PKD1: variants seen among roughly 807,000 people sequenced by gnomAD.
PKD1 encodes polycystin 1, transient receptor potential channel interacting, also known as polycystin-1.
PKD1 carries 81 observed loss-of-function variants against 361.7 expected under a neutral mutation model. That is an observed-to-expected ratio of 0.22 (90% CI 0.19 to 0.27). PKD1 has a LOEUF of 0.27. PKD1 is among the 10% of genes least tolerant of loss of function. The pLI is 1.00. For synonymous variants in PKD1, 3,615 were observed against 2,818.3 expected (o/e 1.28, Z -8.95); for missense variants, 6,399 against 6,118.3 (o/e 1.05, Z -1.53).
rs756217138 is a variant in PKD1 at position 2,114,521 on chromosome 16, G to T, written c.2502C>A (p.Gly834=). ...LRVIYPAPRD[G]RLYVPTNGSA... is the part of the protein sequence containing the mutation. ...AGCCGTTGGTGGGCACGTAGAGGCG[G>T]CCGTCGCGGGGGGCAGGGTAGATGA... Residue 834 remains glycine, a synonymous_variant, in exon 11 of 46, where the codon GGC becomes GGA. Transcript: ENST00000262304. The T allele has an allele frequency of 6.3e-7, 1 of 1,594,342 alleles. No homozygotes were observed. The highest frequency in any genetic ancestry group is 8.5e-7 in the Non-Finnish European group (1 of 1,178,876).
In PKD1 at chr16:2,090,170, C is replaced by T. The variant is rs1316180027; in HGVS notation, c.12469G>A (p.Gly4157Arg). 1.2e-6 allele frequency: 2 copies of T among 1,601,116 alleles called. No individual in the cohort carries two copies. Among genetic ancestry groups the T allele is most frequent in the African/African-American group, 1.3e-5 (1 of 74,866 alleles). ...KEFRHKVRFEGMEPLPSRSSR... is the reference protein window; with the variant it reads ...KEFRHKVRFERMEPLPSRSSR... Reference sequence around the variant, plus strand: ...GAGCGAGAGGGCAGCGGCTCCATCCCTTCAAAGCGGACTTTGTGGCGGAAC... The same window carrying T: ...GAGCGAGAGGGCAGCGGCTCCATCCTTTCAAAGCGGACTTTGTGGCGGAAC... The change falls in exon 46 of 46, where the codon GGG (glycine) becomes AGG (arginine). Residue 4157 changes from glycine to arginine, a missense_variant. Coordinates refer to ENST00000262304, the MANE Select transcript of PKD1 (RefSeq NM_001009944.3).
chr16:2,108,141 G>C (rs962198906), intron 15 of PKD1, 109 bp from the exon 16 acceptor site: 1 of 1,467,880 alleles, frequency 6.8e-7, no homozygotes, highest in African/African-American at 1.4e-5. Flanking sequence ...GCTGGGACGG[G>C]GCCCACCAGG....
chr16:2,121,594 T>C (rs1306794549), intron 1 of PKD1, among the ~76,000 whole-genome samples: 2 of 151,930 alleles, frequency 1.3e-5, no homozygotes, highest in African/African-American at 4.8e-5. Context: ...ACAAACCAGG[T>C]CCTGGAGCTG....
rs1463113897 is a variant in PKD1, at chr16:2,089,146, C to T, written c.*581G>A. The T allele has an allele frequency of 1.2e-5, 2 of 170,194 alleles. No homozygotes were observed. Among genetic ancestry groups the T allele is most frequent in the Admixed American group, 1.1e-4 (2 of 18,040 alleles). The allele number at this position is 170,194 out of a possible 1,614,324, so 10.5% of individuals were successfully genotyped here. On this transcript the variant is annotated 3_prime_UTR_variant, in exon 46 of 46. Coordinates refer to ENST00000262304, the MANE Select transcript of PKD1 (RefSeq NM_001009944.3). ...GGCCAAGCTCGCATCCAAGCAGCAG[C>T]CGGGCTGCCATAACGCCACCACACC...
chr16:2,110,701 G>A lies in PKD1; in HGVS notation c.4466C>T (p.Ala1489Val), dbSNP rs2092479443. Residue 1489 changes from alanine to valine, a missense_variant, in exon 15 of 46, where the codon GCT becomes GTT. Transcript: ENST00000262304. ...LELQQPYLFS[A>V]VGRGRPASYL... Reference sequence around the variant, plus strand: ...GCTGGCGGGGCGCCCACGGCCCACAGCAGAGAACAGGTACGGCTGCTGCAG... The same window carrying A: ...GCTGGCGGGGCGCCCACGGCCCACAACAGAGAACAGGTACGGCTGCTGCAG... 2 of 1,610,592 alleles carry A rather than the reference G, an allele frequency of 1.2e-6. No individual in the cohort carries two copies. Among genetic ancestry groups the A allele is most frequent in the Non-Finnish European group, 8.5e-7 (1 of 1,179,748 alleles).
chr16:2,115,164 A>G (rs1256358749), intron 10 of PKD1: 6 of 768,318 alleles, frequency 7.8e-6, no homozygotes, highest in South Asian at 5.9e-5. Context: ...GGAGAGAGGA[A>G]GAGGAGGCAC....
rs772437626 is a variant in PKD1, at chr16:2,090,449, G to T, written c.12280C>A (p.Arg4094=). Residue 4094 remains arginine (R), a synonymous_variant, in exon 45 of 46, where the codon CGG becomes AGG. Coordinates refer to ENST00000262304, the MANE Select transcript of PKD1 (RefSeq NM_001009944.3). ...CCCAGCCGTAGGGCGCCCCACAGCC[G>T]CAGTGCCCAGAGCCCCACACACAGC... ...PLLCVGLWAL[R]LWGALRLGAV... is the part of the protein sequence containing the mutation. 6.2e-7 allele frequency: 1 copy of T among 1,612,336 alleles called. No homozygotes were observed. Among genetic ancestry groups the T allele is most frequent in the Admixed American group, 1.7e-5 (1 of 59,986 alleles).
rs373060372 is a variant in PKD1 at position 2,109,987 on chromosome 16, G to A, written c.5180C>T (p.Pro1727Leu). ...PVGWLMVAASPNPAAVNTSVT... is the reference protein window; with the variant it reads ...PVGWLMVAASLNPAAVNTSVT... ...GCTTGTGTTGACGGCAGCTGGGTTC[G>A]GGGAGGCGGCCACCATCAGCCACCC... Residue 1727 changes from proline to leucine, a missense_variant, in exon 15 of 46, where the codon CCG becomes CTG. Physicochemically the swap from Pro to Leu is moderately conservative, Grantham distance 98. Coordinates refer to ENST00000262304, the MANE Select transcript of PKD1 (RefSeq NM_001009944.3). 103 of 1,609,670 alleles carry A rather than the reference G, an allele frequency of 6.4e-5. No homozygotes were observed. The highest frequency in any genetic ancestry group is 8.0e-5 in the Non-Finnish European group (94 of 1,179,328).
intron 1 of PKD1, among the ~76,000 whole-genome samples, chr16:2,125,710 C>G (rs190929660): frequency 6.6e-6 from 1 of 151,978 alleles, no homozygotes; most frequent in African/African-American, 2.4e-5. Flanking sequence ...CGTATGCTAC[C>G]TGCCGCTGGG....
At position 2,135,722 on chromosome 16, in the gene PKD1, C is replaced by T. The variant is rs2092942533; in HGVS notation, c.-33G>A. ...GCAGCGCGCGCATGGCCCCGCCGTC[C>T]CCAGGCCCGCCCGCGCGCGGAGGCC... On this transcript the variant is annotated 5_prime_UTR_variant, in exon 1 of 46. Coordinates refer to ENST00000262304, the MANE Select transcript of PKD1 (RefSeq NM_001009944.3). The T allele has an allele frequency of 9.4e-6, 9 of 952,678 alleles. No homozygotes were observed. Among genetic ancestry groups the T allele is most frequent in the Non-Finnish European group, 1.1e-5 (9 of 803,118 alleles). The allele number at this position is 952,678 out of a possible 1,614,324, so 59.0% of individuals were successfully genotyped here. A position where few individuals can be genotyped will look rare whatever the true frequency, so the allele number is the denominator to read the frequency against.
intron 1 of PKD1, among the ~76,000 whole-genome samples, chr16:2,131,015 C>A (rs538843655): frequency 3.7e-4 from 56 of 152,330 alleles, no homozygotes; most frequent in African/African-American, 1.2e-3. Context: ...AGGCCAGTGC[C>A]AGCCAGGACA....
intron 37 of PKD1, 78 bp from the exon 38 acceptor site, chr16:2,093,171 A>G (rs1309677036): frequency 3.9e-6 from 6 of 1,552,854 alleles, no homozygotes; most frequent in African/African-American, 2.7e-5. Flanking sequence ...GGCTGGAGCC[A>G]TGGCTGCGGC....
rs536724092 is a variant in PKD1, at chr16:2,090,416, T to C, written c.12313A>G (p.Ile4105Val). The change falls in exon 45 of 46, where the codon ATT becomes GTT. Residue 4105 changes from isoleucine (I) to valine (V), a missense_variant. Transcript: ENST00000262304. ...AAGGCGTGGTAGCGCCAGCGGAGAATAACAGCCCCCAGCCGTAGGGCGCCC... is the reference window on the plus strand; with the variant it reads ...AAGGCGTGGTAGCGCCAGCGGAGAACAACAGCCCCCAGCCGTAGGGCGCCC... ...LWGALRLGAV[I>V]LRWRYHALRG... The C allele has an allele frequency of 4.3e-6, 7 of 1,612,342 alleles. No homozygotes were observed. Among genetic ancestry groups the C allele is most frequent in the South Asian group, 3.3e-5 (3 of 91,080 alleles).
rs1225598792 is a variant in PKD1, at chr16:2,127,818, C to T, written c.215+7657G>A. Among the ~76,000 whole-genome samples, 5 of 150,074 alleles carry T rather than the reference C, an allele frequency of 3.3e-5. No individual in the cohort carries two copies. The East Asian group carries it at 9.9e-4, about 30-fold the overall frequency. ...CGTGAACCCAGGTCTGACTCCAGGG[C>T]GCAAATTCCCTACATCTGGGTTCCC... On this transcript the variant is annotated intron_variant, in intron 1 of 45. Coordinates refer to ENST00000262304, the MANE Select transcript of PKD1 (RefSeq NM_001009944.3).
intron 23 of PKD1, 56 bp downstream of exon 23, chr16:2,103,210 C>A (rs879111053): frequency 6.4e-7 from 1 of 1,566,040 alleles, no homozygotes; most frequent in African/African-American, 1.4e-5. Context: ...ACGAGAAACG[C>A]CTTCCCCCCA....
rs56145878 is a variant in PKD1 at position 2,107,772 on chromosome 16, CAG to C, written c.7065+109_7065+110del. On this transcript the variant is annotated intron_variant, in intron 16 of 45. Coordinates refer to ENST00000262304, the MANE Select transcript of PKD1 (RefSeq NM_001009944.3). ...TGTTACATAGAATTTGCATCAGAAA[CAG>C]AGAGGGGAGAGCGTGCGGCCTCCAC... The C allele has an allele frequency of 0.062, 62,810 of 1,017,386 alleles. 2,193 individuals carry two copies. Among genetic ancestry groups the C allele is most frequent in the Non-Finnish European group, 0.068 (45,673 of 676,378 alleles). 63.0% of individuals were successfully genotyped at this position (1,017,386 alleles called of 1,614,324 possible). A position where few individuals can be genotyped will look rare whatever the true frequency, so the allele number is the denominator to read the frequency against.
chr16:2,096,546 G>C (rs931411485), intron 34 of PKD1, among the ~76,000 whole-genome samples: 17 of 152,012 alleles, frequency 1.1e-4, no homozygotes, highest in African/African-American at 3.1e-4. Context: ...ACGGAGTTTC[G>C]CTCTTGTTGC....
At position 2,106,655 on chromosome 16, in the gene PKD1, C is replaced by T. The variant is rs1328433648; in HGVS notation, c.7232G>A (p.Ser2411Asn). The change falls in exon 18 of 46, where the codon AGC becomes AAC. Residue 2411 changes from serine (S) to asparagine (N), a missense_variant. Transcript: ENST00000262304. The surrounding 1 kb of genome is among the most constrained non-coding windows in gnomAD (Gnocchi z 6.5). Reference protein sequence around the residue: ...KRGRWAARTFSNKTLVLDETT... With the variant: ...KRGRWAARTFNNKTLVLDETT... Reference sequence around the variant, plus strand: ...CTCATCCAGCACCAGCGTCTTGTTGCTGAACGTACGTGCAGCCCACCGCTG... The same window carrying T: ...CTCATCCAGCACCAGCGTCTTGTTGTTGAACGTACGTGCAGCCCACCGCTG... The T allele has an allele frequency of 6.3e-7, 1 of 1,597,358 alleles. No individual in the cohort carries two copies. The highest frequency in any genetic ancestry group is 1.1e-5 in the South Asian group (1 of 90,842).
rs779509501 is a variant in PKD1 at position 2,089,725 on chromosome 16, G to A, written c.*2C>T. 1.9e-5 allele frequency: 30 copies of A among 1,579,558 alleles called. No homozygotes were observed. The highest frequency in any genetic ancestry group is 3.5e-5 in the South Asian group (3 of 86,634). ...ACGGCCCACCCCCGCCAGGAAGGAG[G>A]ACTAAGTGCTGCTGGGGTGGACCTT... is the stretch of plus-strand genomic sequence containing the variant. On this transcript the variant is annotated 3_prime_UTR_variant, in exon 46 of 46. Coordinates refer to ENST00000262304, the MANE Select transcript of PKD1 (RefSeq NM_001009944.3).
Sources: gnomAD v4.1 joint callset for allele counts (sites outside exome capture counted in the v4.1 genomes callset) on GRCh38, gnomAD v4.1.1 for gene constraint, Gnocchi (gnomAD v3.1) non-coding constraint, MANE v1.5 for transcripts, NCBI Gene and HGNC (gene_info 2026-07-23, HGNC 2026-07-21) for gene names.